DCUN1D5: variants seen among roughly 807,000 people sequenced by gnomAD.
DCUN1D5 encodes DCN1-like protein 5.
In DCUN1D5, 10 loss-of-function variants were observed where a neutral mutation model predicts 38.3. The observed-to-expected ratio is 0.26, with a 90% CI of 0.16 to 0.44. DCUN1D5 has a LOEUF of 0.44. Among genes scored for constraint, DCUN1D5 ranks in the 20% least tolerant of loss-of-function variants. DCUN1D5 has a pLI of 1.00. For missense variants in DCUN1D5, 148 were observed against 275.3 expected, an observed-to-expected ratio of 0.54 and a Z score of 3.27; for synonymous variants, 93 against 90.9, an observed-to-expected ratio of 1.02 and a Z score of -0.13.
At position 103,091,673 on chromosome 11, in the gene DCUN1D5, A is replaced by C; in HGVS notation, c.86+114T>G. ...GGCACCTACAGCCTAGCTCGATCAA[A>C]GGGGCCTCACCTGTCTCCAGCCCCA... is the stretch of plus-strand genomic sequence containing the variant. On this transcript the variant is annotated intron_variant, in intron 1 of 7. Coordinates refer to ENST00000260247, the MANE Select transcript of DCUN1D5 (RefSeq NM_032299.4). This position sits in a 1 kb window ranked among gnomAD's most constrained non-coding sequence, Gnocchi z 4.3. 1 of 1,593,734 alleles carries C rather than the reference A, an allele frequency of 6.3e-7. No homozygotes were observed. Among genetic ancestry groups the C allele is most frequent in the Non-Finnish European group, 8.6e-7 (1 of 1,169,446 alleles).
rs1236188349 is a variant in DCUN1D5, at chr11:103,052,699, T to C, written c.*9660A>G. 1 of 152,220 alleles carries C rather than the reference T, an allele frequency of 6.6e-6. No homozygotes were observed. The highest frequency in any genetic ancestry group is 1.5e-5 in the Non-Finnish European group (1 of 68,028). 9.4% of individuals were successfully genotyped at this position (152,220 alleles called of 1,614,324 possible). Reference sequence around the variant, plus strand: ...TCTAGATAATGAATCTAAGATAGAATTATCATAAACCTTATAGTTCTAGTG... The same window carrying C: ...TCTAGATAATGAATCTAAGATAGAACTATCATAAACCTTATAGTTCTAGTG... On this transcript the variant is annotated 3_prime_UTR_variant, in exon 8 of 8. Coordinates refer to ENST00000260247, the MANE Select transcript of DCUN1D5 (RefSeq NM_032299.4).
chr11:103,084,462 C>T (rs751203271), intron 2 of DCUN1D5, among the ~76,000 whole-genome samples: 1 of 152,138 alleles, frequency 6.6e-6, no homozygotes, highest in Non-Finnish European at 1.5e-5. Context: ...TTTTGTGTAA[C>T]ATGTTAAGTG....
At chr11:103,069,425 T>C (rs966605465) in intron 4 of DCUN1D5, among the ~76,000 whole-genome samples, 1 of 152,122 alleles carries the variant, frequency 6.6e-6, no homozygotes, top group Non-Finnish European at 1.5e-5. Context: ...CTCCCACCAA[T>C]GCCAGCAAAG....
chr11:103,072,059 G>A (rs1265260621), intron 4 of DCUN1D5, among the ~76,000 whole-genome samples: 2 of 151,522 alleles, frequency 1.3e-5, no homozygotes, highest in Admixed American at 6.6e-5. Context: ...AAAAAATAGA[G>A]GGGAGTGTCC....
Position 103,054,248 on chromosome 11 carries a change from T to A in DCUN1D5, c.*8111A>T, listed in dbSNP as rs1012556674. On this transcript the variant is annotated 3_prime_UTR_variant, in exon 8 of 8. Coordinates refer to ENST00000260247, the MANE Select transcript of DCUN1D5 (RefSeq NM_032299.4). ...GCTCTTGAGGAATGGGGTTAAAGTC[T>A]GCTTGAAGAAGTAGTGGGAGCAAAG... 1 of 152,290 alleles carries A rather than the reference T, an allele frequency of 6.6e-6. No homozygotes were observed. The highest frequency in any genetic ancestry group is 2.4e-5 in the African/African-American group (1 of 41,570). The allele number at this position is 152,290 out of a possible 1,614,324, so 9.4% of individuals were successfully genotyped here.
Position 103,051,514 on chromosome 11 carries a change from C to CG in DCUN1D5, c.*10844dup, listed in dbSNP as rs1861736900. On this transcript the variant is annotated 3_prime_UTR_variant, in exon 8 of 8. Coordinates refer to ENST00000260247, the MANE Select transcript of DCUN1D5 (RefSeq NM_032299.4). ...CACATATTTACTTCCCCCCCCCCCCCGCCACCCCTGTGTTAACAGGTTTAC... is the reference window on the plus strand; with the variant it reads ...CACATATTTACTTCCCCCCCCCCCCCGGCCACCCCTGTGTTAACAGGTTTAC... 8.4e-6 allele frequency: 1 copy of CG among 118,848 alleles called. No homozygotes were observed. The highest frequency in any genetic ancestry group is 1.8e-5 in the Non-Finnish European group (1 of 55,148). 7.4% of individuals were successfully genotyped at this position (118,848 alleles called of 1,614,324 possible). A position where few individuals can be genotyped will look rare whatever the true frequency, so the allele number is the denominator to read the frequency against.
At chr11:103,074,213 A>G (rs1862351166) in intron 4 of DCUN1D5, among the ~76,000 whole-genome samples, 3 of 152,230 alleles carry the variant, frequency 2.0e-5, no homozygotes, top group Admixed American at 2.0e-4. Flanking sequence ...AAATGTTTGC[A>G]AAACACACAT....
At chr11:103,084,406 T>C (rs1862645519) in intron 2 of DCUN1D5, among the ~76,000 whole-genome samples, 1 of 152,224 alleles carries the variant, frequency 6.6e-6, no homozygotes, top group East Asian at 1.9e-4. Flanking sequence ...TCCAAGCTGC[T>C]AAGATGACAT....
In DCUN1D5 at chr11:103,063,752, T is replaced by C. The variant is rs1039803884; in HGVS notation, c.658+523A>G. On this transcript the variant is annotated intron_variant, in intron 7 of 7. Transcript: ENST00000260247. The surrounding 1 kb of genome is among the most constrained non-coding windows in gnomAD (Gnocchi z 4.6). ...ATTCTAGCCTTTCCATGGAGGAGTA[T>C]GGACAGATATTTTAACTTGACGGAT... Among the ~76,000 whole-genome samples, 1 of 152,174 alleles carries C rather than the reference T, an allele frequency of 6.6e-6. No homozygotes were observed. Among genetic ancestry groups the C allele is most frequent in the Non-Finnish European group, 1.5e-5 (1 of 67,986 alleles).
At position 103,063,132 on chromosome 11, in the gene DCUN1D5, G is replaced by A. The variant is rs867903992; in HGVS notation, c.659-718C>T. On this transcript the variant is annotated intron_variant, in intron 7 of 7. Coordinates refer to ENST00000260247, the MANE Select transcript of DCUN1D5 (RefSeq NM_032299.4). This position sits in a 1 kb window ranked among gnomAD's most constrained non-coding sequence, Gnocchi z 4.6. The stretch of plus-strand genomic sequence containing the variant: ...TTTCTCTATCGTAAGAAAAGCAGCA[G>A]AGCACATATGATAATAAATGGCAAC... Among the ~76,000 whole-genome samples the A allele has an allele frequency of 6.6e-5, 10 of 152,190 alleles. No individual in the cohort carries two copies. The highest frequency in any genetic ancestry group is 2.1e-4 in the South Asian group (1 of 4,820).
chr11:103,074,144 A>G (rs941834348), intron 4 of DCUN1D5, among the ~76,000 whole-genome samples: 2 of 152,196 alleles, frequency 1.3e-5, no homozygotes, highest in African/African-American at 4.8e-5. Flanking sequence ...ACATCATCAA[A>G]AACTTTTGCT....
Position 103,091,732 on chromosome 11 carries a change from A to C in DCUN1D5, c.86+55T>G. 6.2e-7 allele frequency: 1 copy of C among 1,612,508 alleles called. No homozygotes were observed. On this transcript the variant is annotated intron_variant, in intron 1 of 7. Transcript: ENST00000260247. This position sits in a 1 kb window ranked among gnomAD's most constrained non-coding sequence, Gnocchi z 4.3. ...GGCCGGGCCCGACTCCTTTTCCTCC[A>C]GTTGTCCAGCAAAGGAGGGAGGAGG... is the stretch of plus-strand genomic sequence containing the variant.
At position 103,054,417 on chromosome 11, in the gene DCUN1D5, A is replaced by G. The variant is rs1861822485; in HGVS notation, c.*7942T>C. The G allele has an allele frequency of 6.6e-6, 1 of 152,128 alleles. No individual in the cohort carries two copies. Among genetic ancestry groups the G allele is most frequent in the African/African-American group, 2.4e-5 (1 of 41,446 alleles). The allele number at this position is 152,128 out of a possible 1,614,324, so 9.4% of individuals were successfully genotyped here. A position where few individuals can be genotyped will look rare whatever the true frequency, so the allele number is the denominator to read the frequency against. ...TATTTTTCTCTCTCTCATTATTCACATGTTCAAACACTGTAAACTGAATTG... is the reference window on the plus strand; with the variant it reads ...TATTTTTCTCTCTCTCATTATTCACGTGTTCAAACACTGTAAACTGAATTG... On this transcript the variant is annotated 3_prime_UTR_variant, in exon 8 of 8. Transcript: ENST00000260247.
At position 103,083,059 on chromosome 11, in the gene DCUN1D5, A is replaced by G. The variant is rs906947630; in HGVS notation, c.249+197T>C. 6.6e-6 allele frequency among the ~76,000 whole-genome samples: 1 copy of G among 152,058 alleles called. No homozygotes were observed. ...TTCTGAAGGTAGAATCTCTTATTCT[A>G]TTACATATAACATTTGTATCAAGAA... On this transcript the variant is annotated intron_variant, in intron 3 of 7. Coordinates refer to ENST00000260247, the MANE Select transcript of DCUN1D5 (RefSeq NM_032299.4). The surrounding 1 kb of genome is among the most constrained non-coding windows in gnomAD (Gnocchi z 4.4).
rs1484431078 is a variant in DCUN1D5, at chr11:103,064,636, A to AAG, written c.556-260_556-259insCT. Among the ~76,000 whole-genome samples, 3 of 152,124 alleles carry AAG rather than the reference A, an allele frequency of 2.0e-5. No homozygotes were observed. Among genetic ancestry groups the AAG allele is most frequent in the African/African-American group, 7.2e-5 (3 of 41,414 alleles). On this transcript the variant is annotated intron_variant, in intron 6 of 7. Transcript: ENST00000260247. This position sits in a 1 kb window ranked among gnomAD's most constrained non-coding sequence, Gnocchi z 4.5. ...GTAAGGATAAAACTAACTTTTTCAT[A>AAG]TGTATATACTTGTGTTACCACCAAT...
At chr11:103,090,914 A>G (rs1177976034) in intron 1 of DCUN1D5, among the ~76,000 whole-genome samples, 1 of 152,212 alleles carries the variant, frequency 6.6e-6, no homozygotes, top group Non-Finnish European at 1.5e-5. Flanking sequence ...TCCGTCTCAG[A>G]AAAACAAAAC....
At chr11:103,074,583 T>C (rs1862362766) in intron 4 of DCUN1D5, among the ~76,000 whole-genome samples, 1 of 152,160 alleles carries the variant, frequency 6.6e-6, no homozygotes, top group South Asian at 2.1e-4. Context: ...TTTTTGTATT[T>C]TTAGTAGAGA....
In DCUN1D5 at chr11:103,066,545, G is replaced by T; in HGVS notation, c.364C>A (p.Gln122Lys). ...SLQCDCTEKL[Q>K]NKFDFLRSQL... ...GAGCGCAAAAAGTCAAATTTGTTTT[G>T]TAACTTTTCTGTGCAGTCACACCTT... The change falls in exon 5 of 8, where the codon CAA (glutamine) becomes AAA (lysine). Residue 122 changes from glutamine (Q) to lysine (K), a missense_variant. By Grantham distance (53) the Gln-to-Lys change is moderately conservative (BLOSUM62 1). Transcript: ENST00000260247. This position sits in a 1 kb window ranked among gnomAD's most constrained non-coding sequence, Gnocchi z 4.7. The T allele has an allele frequency of 6.2e-7, 1 of 1,609,784 alleles. No individual in the cohort carries two copies. Among genetic ancestry groups the T allele is most frequent in the East Asian group, 2.2e-5 (1 of 44,724 alleles).
Position 103,065,420 on chromosome 11 carries a change from G to A in DCUN1D5, c.555+849C>T, listed in dbSNP as rs148846990. Among the ~76,000 whole-genome samples, 825 of 152,216 alleles carry A rather than the reference G, an allele frequency of 5.4e-3. 3 individuals carry two copies. The highest frequency in any genetic ancestry group is 0.019 in the African/African-American group (783 of 41,536). On this transcript the variant is annotated intron_variant, in intron 6 of 7. Coordinates refer to ENST00000260247, the MANE Select transcript of DCUN1D5 (RefSeq NM_032299.4). The surrounding 1 kb of genome is among the most constrained non-coding windows in gnomAD (Gnocchi z 4.6). Reference sequence around the variant, plus strand: ...GATCTGCCTGCCTTGGCCTCCCAACGTGCTGGGATTACAGGCGTGTGCCAC... The same window carrying A: ...GATCTGCCTGCCTTGGCCTCCCAACATGCTGGGATTACAGGCGTGTGCCAC...
Sources: gnomAD v4.1 joint callset for allele counts (sites outside exome capture counted in the v4.1 genomes callset) on GRCh38, gnomAD v4.1.1 for gene constraint, Gnocchi (gnomAD v3.1) non-coding constraint, MANE v1.5 for transcripts, NCBI Gene and HGNC (gene_info 2026-07-23, HGNC 2026-07-21) for gene names.